AGBL4: variants seen among roughly 807,000 people sequenced by gnomAD.
The protein encoded by AGBL4 is cytosolic carboxypeptidase 6.
Under a neutral mutation model 66.4 loss-of-function variants are expected in AGBL4, and 58 were observed. The observed-to-expected ratio is 0.87, with a 90% CI of 0.71 to 1.09. AGBL4 has a LOEUF of 1.09. AGBL4 is among the 50% of genes least tolerant of loss of function. The pLI is 0.00. For synonymous variants in AGBL4, 234 were observed against 222.9 expected (o/e 1.05, Z -0.44); for missense variants, 579 against 631.0 (o/e 0.92, Z 0.88).
intron 3 of AGBL4, among the ~76,000 whole-genome samples, chr1:49,276,518 C>T (rs1644170400): frequency 6.6e-6 from 1 of 152,164 alleles, no homozygotes; most frequent in African/African-American, 2.4e-5. Context: ...GTATAGGAAA[C>T]TTGTGTCTGT....
chr1:49,314,227 G>T (rs549349092), intron 3 of AGBL4, among the ~76,000 whole-genome samples: 1 of 151,800 alleles, frequency 6.6e-6, no homozygotes, highest in East Asian at 1.9e-4. Flanking sequence ...ATTGGTCTAT[G>T]TATCTGTTAC....
chr1:49,539,040 C>G (rs1026959854), intron 3 of AGBL4, among the ~76,000 whole-genome samples: 1 of 151,978 alleles, frequency 6.6e-6, no homozygotes, highest in Non-Finnish European at 1.5e-5. Flanking sequence ...ATAGAAATAA[C>G]CTAACCTAAA....
chr1:49,014,429 C>T (rs1662666348), intron 5 of AGBL4, among the ~76,000 whole-genome samples: 1 of 152,192 alleles, frequency 6.6e-6, no homozygotes, highest in Non-Finnish European at 1.5e-5. Flanking sequence ...ACCTTATCCT[C>T]TTGTGCCTCA....
At chr1:49,703,028 G>A (rs922875285) in intron 2 of AGBL4, among the ~76,000 whole-genome samples, 2 of 152,108 alleles carry the variant, frequency 1.3e-5, no homozygotes, top group African/African-American at 4.8e-5. Flanking sequence ...AGATCAGGGA[G>A]AAGATAAGCA....
chr1:49,350,030 C>T (rs1390300985), intron 3 of AGBL4, among the ~76,000 whole-genome samples: 2 of 152,138 alleles, frequency 1.3e-5, no homozygotes, highest in African/African-American at 4.8e-5. Flanking sequence ...ATCATTTATG[C>T]CACCCTGTCT....
intron 6 of AGBL4, among the ~76,000 whole-genome samples, chr1:48,687,580 C>A (rs1412656082): frequency 6.6e-6 from 1 of 152,164 alleles, no homozygotes; most frequent in Non-Finnish European, 1.5e-5. Flanking sequence ...ATGGGGCTGA[C>A]CAGGCTATTG....
intron 1 of AGBL4, 27 bp downstream of exon 1, chr1:50,023,736 T>C (rs1662623641): frequency 1.3e-6 from 2 of 1,545,710 alleles, no homozygotes; most frequent in Non-Finnish European, 1.7e-6. Context: ...CGCCTCAGCC[T>C]TCCCCAGATC....
intron 3 of AGBL4, among the ~76,000 whole-genome samples, chr1:49,432,267 A>G (rs542397196): frequency 2.6e-4 from 40 of 152,348 alleles, no homozygotes; most frequent in African/African-American, 9.4e-4. Context: ...ATGCACACTT[A>G]CACGTAGACA....
chr1:49,510,339 G>A (rs900272115), intron 3 of AGBL4, among the ~76,000 whole-genome samples: 10 of 151,530 alleles, frequency 6.6e-5, no homozygotes, highest in Admixed American at 2.0e-4. Flanking sequence ...GCCAGTGATG[G>A]TGAGCATTTT....
At chr1:49,572,935 A>C (rs1320637766) in intron 3 of AGBL4, among the ~76,000 whole-genome samples, 3 of 152,038 alleles carry the variant, frequency 2.0e-5, no homozygotes, top group Admixed American at 6.6e-5. Flanking sequence ...TGAAAGGGAG[A>C]TTCTGGCCTA....
intron 2 of AGBL4, among the ~76,000 whole-genome samples, chr1:49,795,003 C>T (rs574352343): frequency 1.3e-5 from 2 of 151,808 alleles, no homozygotes; most frequent in African/African-American, 4.8e-5. Context: ...CAGACAAAAT[C>T]TCTGCCCTTG....
chr1:48,614,080 C>G (rs1645281894), intron 9 of AGBL4, among the ~76,000 whole-genome samples: 1 of 152,032 alleles, frequency 6.6e-6, no homozygotes, highest in South Asian at 2.1e-4. Flanking sequence ...CCAAGGTCAC[C>G]CTCTGATGAA....
intron 5 of AGBL4, among the ~76,000 whole-genome samples, chr1:49,041,318 C>G (rs569942599): frequency 8.3e-4 from 126 of 152,068 alleles, no homozygotes; most frequent in Non-Finnish European, 1.6e-3. Flanking sequence ...ATCAACTTGT[C>G]TGCAAAAGTA....
intron 3 of AGBL4, among the ~76,000 whole-genome samples, chr1:49,659,594 G>C (rs1477850227): frequency 6.6e-6 from 1 of 152,114 alleles, no homozygotes. Flanking sequence ...AACAAGAAGT[G>C]CTAACCATCC....
At chr1:49,875,461 C>T (rs1646970383) in intron 1 of AGBL4, among the ~76,000 whole-genome samples, 1 of 143,138 alleles carries the variant, frequency 7.0e-6, no homozygotes, top group Non-Finnish European at 1.5e-5. Flanking sequence ...CCAATTTCAT[C>T]CATGTCCCTA....
chr1:48,848,766 G>A lies in AGBL4; in HGVS notation c.634+18425C>T, dbSNP rs1646972153. 2.0e-5 allele frequency among the ~76,000 whole-genome samples: 3 copies of A among 152,128 alleles called. No homozygotes were observed. In the South Asian group the frequency reaches 6.2e-4, roughly 32 times the overall value. ...AAAATGCTGCTGCACACTCATTATA[G>A]GAGTACCAGTGGTCCTGAAAAGGTC... is the stretch of plus-strand genomic sequence containing the variant. On this transcript the variant is annotated intron_variant, in intron 6 of 13. Transcript: ENST00000371839.
intron 6 of AGBL4, among the ~76,000 whole-genome samples, chr1:48,845,896 G>A (rs59939071): frequency 0.041 from 6,297 of 152,220 alleles, 428 homozygotes; most frequent in African/African-American, 0.14. Context: ...GTGAGTTAAT[G>A]TACCAAAAGT....
intron 3 of AGBL4, among the ~76,000 whole-genome samples, chr1:49,503,102 G>A (rs986093056): frequency 3.9e-5 from 6 of 152,004 alleles, no homozygotes; most frequent in African/African-American, 1.4e-4. Flanking sequence ...GGGCCCCTTT[G>A]CTGTGTGCAG....
At chr1:48,681,344 G>C (rs886598500) in intron 6 of AGBL4, among the ~76,000 whole-genome samples, 2 of 152,202 alleles carry the variant, frequency 1.3e-5, no homozygotes, top group African/African-American at 4.8e-5. Context: ...TAGGTGTGAA[G>C]AGGCCACTGT....
Sources: gnomAD v4.1 joint callset for allele counts (sites outside exome capture counted in the v4.1 genomes callset) on GRCh38, gnomAD v4.1.1 for gene constraint, MANE v1.5 for transcripts, NCBI Gene and HGNC (gene_info 2026-07-23, HGNC 2026-07-21) for gene names.